Variants in SNAPC1 observed in about 807,000 individuals in gnomAD.
SNAPC1 encodes the protein snRNA-activating protein complex subunit 1.
A neutral mutation model predicts 50.1 loss-of-function variants in SNAPC1; 42 were observed. The ratio of observed to expected loss-of-function variants is 0.84; its 90% CI spans 0.65 to 1.08. SNAPC1 has a LOEUF of 1.08. Ranked by LOEUF, SNAPC1 falls within the 50% of genes least tolerant of loss-of-function variation. The pLI, the probability that SNAPC1 is intolerant of heterozygous loss-of-function variation, is 0.00. For missense variants in SNAPC1, 477 were observed against 427.3 expected, an observed-to-expected ratio of 1.12 and a Z score of -1.02; for synonymous variants, 164 against 144.2, an observed-to-expected ratio of 1.14 and a Z score of -0.98.
intron 3 of SNAPC1, among the ~76,000 whole-genome samples, chr14:61,767,777 T>TG (rs2044959533): frequency 6.7e-6 from 1 of 149,648 alleles, no homozygotes; most frequent in Non-Finnish European, 1.5e-5. Flanking sequence ...TGTAACTTTT[T>TG]TTGTGTGTGT....
At chr14:61,781,748 A>G (rs183573822) in intron 7 of SNAPC1, among the ~76,000 whole-genome samples, 58 of 152,282 alleles carry the variant, frequency 3.8e-4, no homozygotes, top group South Asian at 4.1e-4. Context: ...TAGTTAGACA[A>G]TTCCAAAATA....
intron 8 of SNAPC1, among the ~76,000 whole-genome samples, chr14:61,782,852 G>C (rs2045086420): frequency 6.6e-6 from 1 of 152,004 alleles, no homozygotes; most frequent in Admixed American, 6.6e-5. Context: ...GTTGCAGTGA[G>C]CTGAGATCAT....
chr14:61,762,631 G>T, intron 1 of SNAPC1, 43 bp downstream of exon 1: 1 of 1,611,036 alleles, frequency 6.2e-7, no homozygotes, highest in African/African-American at 1.3e-5. Flanking sequence ...CTGCCCGCAG[G>T]TGGTGTAGAA....
At chr14:61,792,930 C>T in intron 9 of SNAPC1, 28 bp downstream of exon 9, 1 of 1,145,210 alleles carries the variant, frequency 8.7e-7, no homozygotes. Context: ...TCAAACTAGT[C>T]AAGTAAACTA....
intron 7 of SNAPC1, 95 bp downstream of exon 7, chr14:61,779,005 T>G (rs1434493280): frequency 1.4e-6 from 1 of 706,456 alleles, no homozygotes; most frequent in Admixed American, 2.9e-5. Flanking sequence ...TACTTAGTTT[T>G]AAAAGTCAAA....
At chr14:61,768,930 G>A (rs1158722472) in intron 4 of SNAPC1, among the ~76,000 whole-genome samples, 190 bp downstream of exon 4, 1 of 152,164 alleles carries the variant, frequency 6.6e-6, no homozygotes. Flanking sequence ...TTGAAATAGC[G>A]TGAGAAAAAA....
chr14:61,779,452 C>A (rs1167909123), intron 7 of SNAPC1, among the ~76,000 whole-genome samples: 1 of 151,708 alleles, frequency 6.6e-6, no homozygotes, highest in Non-Finnish European at 1.5e-5. Context: ...TTTCTGTTTT[C>A]AGGGAGATTT....
At position 61,795,134 on chromosome 14, in the gene SNAPC1, G is replaced by A; in HGVS notation, c.*151G>A. 1.9e-6 allele frequency: 1 copy of A among 513,152 alleles called. No homozygotes were observed. Among genetic ancestry groups the A allele is most frequent in the Non-Finnish European group, 3.5e-6 (1 of 287,970 alleles). The allele number at this position is 513,152 out of a possible 1,614,324, so 31.8% of individuals were successfully genotyped here. A position where few individuals can be genotyped will look rare whatever the true frequency, so the allele number is the denominator to read the frequency against. ...TTGGAAATTGCAATACGTAGTTCTA[G>A]AATAAAAGTACAAAAAATTAGAATA... On this transcript the variant is annotated 3_prime_UTR_variant, in exon 10 of 10. Coordinates refer to ENST00000216294, the MANE Select transcript of SNAPC1 (RefSeq NM_003082.4).
At chr14:61,774,776 G>T (rs912992032) in intron 4 of SNAPC1, among the ~76,000 whole-genome samples, 1 of 146,884 alleles carries the variant, frequency 6.8e-6, no homozygotes, top group African/African-American at 2.5e-5. Context: ...TGATTCTCCT[G>T]CCTCAGCCTC....
chr14:61,790,099 A>T (rs368167205), intron 8 of SNAPC1, among the ~76,000 whole-genome samples: 1 of 152,220 alleles, frequency 6.6e-6, no homozygotes, highest in African/African-American at 2.4e-5. Flanking sequence ...GAGAAATACA[A>T]TGACACAATA....
At chr14:61,779,016 T>C (rs569350676) in intron 7 of SNAPC1, 106 bp downstream of exon 7, 7 of 657,442 alleles carry the variant, frequency 1.1e-5, no homozygotes, top group Non-Finnish European at 1.8e-5. Flanking sequence ...AAAAGTCAAA[T>C]AATGCTAGAG....
At chr14:61,782,571 A>G (rs543999549) in intron 8 of SNAPC1, among the ~76,000 whole-genome samples, 174 bp downstream of exon 8, 119 of 152,284 alleles carry the variant, frequency 7.8e-4, no homozygotes, top group African/African-American at 2.8e-3. Context: ...ATTGCTTGAA[A>G]GGGATCCTAG....
chr14:61,779,954 C>T (rs2045060435), intron 7 of SNAPC1, among the ~76,000 whole-genome samples: 1 of 152,194 alleles, frequency 6.6e-6, no homozygotes, highest in African/African-American at 2.4e-5. Flanking sequence ...GGTGATCCAC[C>T]TGCCTTGGCC....
At chr14:61,775,995 A>G (rs2045032665) in intron 4 of SNAPC1, 100 bp from the exon 5 acceptor site, 1 of 810,554 alleles carries the variant, frequency 1.2e-6, no homozygotes, top group Non-Finnish European at 1.9e-6. Flanking sequence ...TTACCTATCA[A>G]CTGGAAGTCA....
rs1432545796 is a variant in SNAPC1 at position 61,782,107 on chromosome 14, AG to A, written c.826-136del. ...CACAGGTAGTTATAGTAAGCCAGCC[AG>A]GGGTAATAGTAAAGTACTTTATGAC... is the stretch of plus-strand genomic sequence containing the variant. On this transcript the variant is annotated intron_variant, in intron 7 of 9. Transcript: ENST00000216294. 1.8e-5 allele frequency: 11 copies of A among 601,320 alleles called. No homozygotes were observed. In the East Asian group the frequency reaches 2.7e-4, roughly 15 times the overall value. 37.2% of individuals were successfully genotyped at this position (601,320 alleles called of 1,614,324 possible).
chr14:61,772,535 G>A (rs1358616818), intron 4 of SNAPC1, among the ~76,000 whole-genome samples: 2 of 152,018 alleles, frequency 1.3e-5, no homozygotes, highest in African/African-American at 2.4e-5. Flanking sequence ...GAATCACTAC[G>A]CCTGGCCCAT....
intron 8 of SNAPC1, among the ~76,000 whole-genome samples, chr14:61,789,189 C>T (rs970267319): frequency 3.3e-5 from 5 of 150,564 alleles, no homozygotes; most frequent in African/African-American, 9.8e-5. Flanking sequence ...CAAGATAGCG[C>T]CACCGCTCTT....
intron 8 of SNAPC1, among the ~76,000 whole-genome samples, chr14:61,785,867 G>A (rs7152576): frequency 0.35 from 53,225 of 151,840 alleles, 9,823 homozygotes; most frequent in African/African-American, 0.46. Context: ...GTGAGCCTCA[G>A]AGGGATCACT....
At chr14:61,783,062 G>T (rs1363676453) in intron 8 of SNAPC1, among the ~76,000 whole-genome samples, 35 of 87,254 alleles carry the variant, frequency 4.0e-4, no homozygotes, top group African/African-American at 1.5e-3. Flanking sequence ...TGCTGTTGTT[G>T]CCCAGGCCGG....
Sources: gnomAD v4.1 joint callset for allele counts (sites outside exome capture counted in the v4.1 genomes callset) on GRCh38, gnomAD v4.1.1 for gene constraint, MANE v1.5 for transcripts, NCBI Gene and HGNC (gene_info 2026-07-23, HGNC 2026-07-21) for gene names.